The following MCM8 variants were observed in gnomAD, a reference collection of about 807,000 sequenced individuals.
The protein encoded by MCM8 is DNA helicase MCM8.
MCM8 carries 85 observed loss-of-function variants against 98.9 expected under a neutral mutation model. That is an observed-to-expected ratio of 0.86 (90% confidence interval 0.72 to 1.03). The LOEUF (loss-of-function observed/expected upper bound fraction) is 1.03. Ranked by LOEUF, MCM8 falls within the 50% of genes least tolerant of loss-of-function variation. The pLI is 0.00. For synonymous variants in MCM8, 352 were observed against 338.6 expected (o/e 1.04, Z -0.44); for missense variants, 951 against 997.8 (o/e 0.95, Z 0.63).
rs190968958 is a variant in MCM8 at position 5,958,250 on chromosome 20, T to C, written c.591-278T>C. Among the ~76,000 whole-genome samples the C allele has an allele frequency of 2.4e-3, 368 of 152,230 alleles. 6 individuals are homozygous for C. The highest frequency in any genetic ancestry group is 8.5e-3 in the African/African-American group (353 of 41,534). On this transcript the variant is annotated intron_variant, in intron 6 of 18. Transcript: ENST00000610722. ...TGGGTGTGGTGGCACACACCTGTAGTCCCAGCTACTCGGGAGACTGAGGCA... is the reference window on the plus strand; with the variant it reads ...TGGGTGTGGTGGCACACACCTGTAGCCCCAGCTACTCGGGAGACTGAGGCA...
rs2089953803 is a variant in MCM8, at chr20:5,996,139, G to A, written c.*1748G>A. ...ACAAAAAATAGATTAGCTGGGCACG[G>A]TGGTGCATGCCTATTGTCCTACCTA... On this transcript the variant is annotated 3_prime_UTR_variant, in exon 19 of 19. Transcript: ENST00000610722. The A allele has an allele frequency of 6.6e-6, 1 of 152,208 alleles. No homozygotes were observed. Among genetic ancestry groups the A allele is most frequent in the African/African-American group, 2.4e-5 (1 of 41,426 alleles). The allele number at this position is 152,208 out of a possible 1,614,324, so 9.4% of individuals were successfully genotyped here. A position where few individuals can be genotyped will look rare whatever the true frequency, so the allele number is the denominator to read the frequency against.
chr20:5,994,586 A>G lies in MCM8; in HGVS notation c.*195A>G, dbSNP rs1295207954. 102 of 551,750 alleles carry G rather than the reference A, an allele frequency of 1.8e-4. No individual in the cohort carries two copies. The highest frequency in any genetic ancestry group is 9.6e-6 in the Non-Finnish European group (3 of 311,876). The allele number at this position is 551,750 out of a possible 1,614,324, so 34.2% of individuals were successfully genotyped here. On this transcript the variant is annotated 3_prime_UTR_variant, in exon 19 of 19. Transcript: ENST00000610722. ...TATTATAATAGGAAAAAAGCATTAAATATAATAAACTAATTTAAGAAGTGA... is the reference window on the plus strand; with the variant it reads ...TATTATAATAGGAAAAAAGCATTAAGTATAATAAACTAATTTAAGAAGTGA...
chr20:5,967,410 A>G (rs1458287382), intron 8 of MCM8, 26 bp from the exon 9 acceptor site: 2 of 1,603,168 alleles, frequency 1.2e-6, no homozygotes, highest in South Asian at 1.1e-5. Flanking sequence ...TAAGTATTCT[A>G]ACTGAAAACT....
chr20:5,953,284 A>G (rs111564298), intron 3 of MCM8, among the ~76,000 whole-genome samples: 1 of 152,164 alleles, frequency 6.6e-6, no homozygotes, highest in African/African-American at 2.4e-5. Flanking sequence ...AAATCAAGGG[A>G]CAATAACAAA....
intron 5 of MCM8, among the ~76,000 whole-genome samples, chr20:5,955,551 A>G (rs1398073094): frequency 2.0e-5 from 3 of 152,208 alleles, no homozygotes; most frequent in Admixed American, 2.0e-4. Context: ...GAAGTTATAC[A>G]ATCTCATAGG....
Position 5,997,114 on chromosome 20 carries a change from C to G in MCM8, c.*2723C>G, listed in dbSNP as rs1321832739. The G allele has an allele frequency of 2.0e-5, 3 of 152,046 alleles. No homozygotes were observed. Among genetic ancestry groups the G allele is most frequent in the Non-Finnish European group, 2.9e-5 (2 of 68,146 alleles). 9.4% of individuals were successfully genotyped at this position (152,046 alleles called of 1,614,324 possible). ...TGCTGATTAAAACAAATCCTAAGTA[C>G]AAATGTCAGAACAGAAACATGCAAA... is the stretch of plus-strand genomic sequence containing the variant. On this transcript the variant is annotated 3_prime_UTR_variant, in exon 19 of 19. Coordinates refer to ENST00000610722, the MANE Select transcript of MCM8 (RefSeq NM_032485.6).
chr20:5,956,301 T>C (rs775980823), intron 5 of MCM8, among the ~76,000 whole-genome samples: 7 of 152,238 alleles, frequency 4.6e-5, no homozygotes, highest in Non-Finnish European at 1.0e-4. Flanking sequence ...ACTTGCATGG[T>C]ATTTTGTCTG....
At position 5,954,746 on chromosome 20, in the gene MCM8, G is replaced by C. The variant is rs1202280465; in HGVS notation, c.336+56G>C. ...CATGTGCCATCTTACCAATGTATTC[G>C]AGGTACTTGTGATTATGATCGTAGG... On this transcript the variant is annotated intron_variant, in intron 4 of 18. Transcript: ENST00000610722. 8 of 1,025,108 alleles carry C rather than the reference G, an allele frequency of 7.8e-6. No individual in the cohort carries two copies. In the East Asian group the frequency reaches 1.9e-4, roughly 24 times the overall value. 63.5% of individuals were successfully genotyped at this position (1,025,108 alleles called of 1,614,324 possible).
rs575311312 is a variant in MCM8, at chr20:5,958,536, A to G, written c.599A>G (p.Asn200Ser). 2.9e-5 allele frequency: 46 copies of G among 1,613,954 alleles called. No homozygotes were observed. In the South Asian group the frequency reaches 4.4e-4, roughly 15 times the overall value. Reference protein sequence around the residue: ...NVPHIHARVYNYEPLTQLKNV... With the variant: ...NVPHIHARVYSYEPLTQLKNV... The stretch of plus-strand genomic sequence containing the variant: ...TCCTGTTTTGTCTTTAGGGTGTACA[A>G]CTATGAGCCTTTGACACAGCTCAAG... Residue 200 changes from asparagine (N) to serine (S), a missense_variant, in exon 7 of 19, where the codon AAC (asparagine) becomes AGC (serine). Coordinates refer to ENST00000610722, the MANE Select transcript of MCM8 (RefSeq NM_032485.6).
rs1382724149 is a variant in MCM8, at chr20:5,963,357, CAAGT to C, written c.875+2_875+5del. ...CAGTTACGATGGACTGGCAGTCAAT[CAAGT>C]AAGCGATCAGACTGTTACATAAAAG... On this transcript the variant is annotated splice_donor_variant and coding_sequence_variant, in exon 8 of 19. Transcript: ENST00000610722. LOFTEE classifies it high-confidence loss of function. 6.2e-7 allele frequency: 1 copy of C among 1,612,868 alleles called. No individual in the cohort carries two copies. The highest frequency in any genetic ancestry group is 1.7e-5 in the Admixed American group (1 of 60,004).
rs144847637 is a variant in MCM8 at position 5,959,910 on chromosome 20, G to T, written c.789+1184G>T. On this transcript the variant is annotated intron_variant, in intron 7 of 18. Transcript: ENST00000610722. ...GACAAGGTTTCACTATGTTGGCCAG[G>T]CTGTTCTCAAACTCCTGACCTGGTG... Among the ~76,000 whole-genome samples the T allele has an allele frequency of 3.0e-3, 455 of 152,166 alleles. 7 individuals are homozygous for T. Among genetic ancestry groups the T allele is most frequent in the African/African-American group, 0.011 (441 of 41,516 alleles).
chr20:5,994,110 ACT>A (rs1478520729), intron 18 of MCM8, among the ~76,000 whole-genome samples, 187 bp from the exon 19 acceptor site: 6 of 152,210 alleles, frequency 3.9e-5, no homozygotes, highest in African/African-American at 1.4e-4. Context: ...TGGAATTTTT[ACT>A]TTTTATTTAT....
intron 5 of MCM8, among the ~76,000 whole-genome samples, chr20:5,956,315 A>C (rs578061781): frequency 6.6e-6 from 1 of 152,288 alleles, no homozygotes; most frequent in East Asian, 1.9e-4. Context: ...TTGTCTGTAC[A>C]TCTTTATGGT....
In MCM8 at chr20:5,994,380, CA is replaced by C. The variant is rs1402554543; in HGVS notation, c.2515del (p.Thr839LeufsTer9). 5.6e-6 allele frequency: 9 copies of C among 1,602,660 alleles called. No homozygotes were observed. The highest frequency in any genetic ancestry group is 6.8e-6 in the Non-Finnish European group (8 of 1,173,668). On this transcript the variant is annotated frameshift_variant, in exon 19 of 19. Coordinates refer to ENST00000610722, the MANE Select transcript of MCM8 (RefSeq NM_032485.6). LOFTEE classifies it high-confidence loss of function. ...LKKGPKVYQL[Q>X]TM ...AAAAGGCCCAAAAGTTTACCAGCTT[CA>C]AACTATGTAAAAGGACTTCACCAAG...
chr20:5,952,556 C>T (rs368383206), intron 3 of MCM8, 28 bp downstream of exon 3: 27 of 1,562,306 alleles, frequency 1.7e-5, no homozygotes, highest in Middle Eastern at 1.7e-4. Flanking sequence ...CAAAAAAGCA[C>T]CATAAATCAT....
intron 12 of MCM8, among the ~76,000 whole-genome samples, chr20:5,975,391 G>C (rs1224003494): frequency 6.6e-6 from 1 of 151,988 alleles, no homozygotes; most frequent in Non-Finnish European, 1.5e-5. Flanking sequence ...TTTGGAATTA[G>C]TGAATTATAG....
rs562985203 is a variant in MCM8, at chr20:5,968,034, G to A, written c.1223+9G>A. 7 of 1,585,272 alleles carry A rather than the reference G, an allele frequency of 4.4e-6. No individual in the cohort carries two copies. The Admixed American group carries it at 7.3e-5, about 17-fold the overall frequency. On this transcript the variant is annotated intron_variant, in intron 10 of 18. Coordinates refer to ENST00000610722, the MANE Select transcript of MCM8 (RefSeq NM_032485.6). ...TTTAAACTCATTGTCAAGTATGTAT[G>A]CTGTCATTTGAAATTTTATTACATA...
Position 5,977,996 on chromosome 20 carries a change from G to A in MCM8, c.1516G>A (p.Ala506Thr). The A allele has an allele frequency of 6.2e-7, 1 of 1,614,216 alleles. No homozygotes were observed. Among genetic ancestry groups the A allele is most frequent in the South Asian group, 1.1e-5 (1 of 91,086 alleles). The change falls in exon 13 of 19, where the codon GCC becomes ACC. Residue 506 changes from alanine (A) to threonine (T), a missense_variant. Coordinates refer to ENST00000610722, the MANE Select transcript of MCM8 (RefSeq NM_032485.6). ...SSGDFALEAG[A>T]LVLGDQGICG... ...TGGAGATTTTGCTTTGGAAGCTGGT[G>A]CCCTGGTACTTGGTGATCAAGGTGA...
intron 15 of MCM8, among the ~76,000 whole-genome samples, chr20:5,985,693 G>A (rs1240780576): frequency 6.6e-6 from 1 of 151,764 alleles, no homozygotes; most frequent in Non-Finnish European, 1.5e-5. Context: ...CTCCAGGCAC[G>A]TGCCACCACG....
Sources: gnomAD v4.1 joint callset for allele counts (sites outside exome capture counted in the v4.1 genomes callset) on GRCh38, gnomAD v4.1.1 for gene constraint, MANE v1.5 for transcripts, NCBI Gene and HGNC (gene_info 2026-07-23, HGNC 2026-07-21) for gene names.